The following NRXN1 variants were observed in gnomAD, a reference collection of about 807,000 sequenced individuals.
NRXN1 encodes neurexin-1.
In NRXN1, 39 loss-of-function variants were observed where a neutral mutation model predicts 150.9. That is an observed-to-expected ratio of 0.26 (90% CI 0.20 to 0.34). The LOEUF (loss-of-function observed/expected upper bound fraction) is 0.34, where lower values mean the gene tolerates loss of function less well. Among genes scored for constraint, NRXN1 ranks in the 10% least tolerant of loss-of-function variants. The pLI, the probability that NRXN1 is intolerant of heterozygous loss-of-function variation, is 1.00. For synonymous variants in NRXN1, 924 were observed against 757.0 expected, an observed-to-expected ratio of 1.22 and a Z score of -3.62; for missense variants, 1,815 against 1,949.9, an observed-to-expected ratio of 0.93 and a Z score of 1.30.
intron 21 of NRXN1, among the ~76,000 whole-genome samples, chr2:50,012,525 G>T (rs547730077): frequency 6.6e-6 from 1 of 152,098 alleles, no homozygotes. Context: ...AGCTTGAATA[G>T]ATATAGCATT....
chr2:50,075,062 G>A (rs1330643897), intron 19 of NRXN1, among the ~76,000 whole-genome samples: 1 of 152,176 alleles, frequency 6.6e-6, no homozygotes, highest in East Asian at 1.9e-4. Flanking sequence ...GAACACTGTA[G>A]TCAGGAAAAT....
At chr2:50,507,993 GA>G (rs942287322) in intron 12 of NRXN1, among the ~76,000 whole-genome samples, 1 of 134,222 alleles carries the variant, frequency 7.5e-6, no homozygotes, top group African/African-American at 2.7e-5. Context: ...AGGAGAAGAA[GA>G]AAAAAAAAGA....
intron 5 of NRXN1, among the ~76,000 whole-genome samples, chr2:50,667,832 T>C (rs1574033950): frequency 6.6e-6 from 1 of 152,026 alleles, no homozygotes; most frequent in Non-Finnish European, 1.5e-5. Context: ...CCCAGAGTTT[T>C]GGAGCCATAG....
chr2:50,788,210 C>T (rs563062134), intron 5 of NRXN1, among the ~76,000 whole-genome samples: 1 of 151,990 alleles, frequency 6.6e-6, no homozygotes, highest in African/African-American at 2.4e-5. Flanking sequence ...CTTCTGCCTC[C>T]TGAGCAGCTG....
At chr2:49,928,657 A>AT (rs992996930) in intron 22 of NRXN1, among the ~76,000 whole-genome samples, 9 of 152,012 alleles carry the variant, frequency 5.9e-5, no homozygotes, top group African/African-American at 1.4e-4. Context: ...ACTTTTTCCC[A>AT]TTTTTTTGCT....
intron 5 of NRXN1, among the ~76,000 whole-genome samples, chr2:50,827,045 T>C (rs1336796440): frequency 6.6e-6 from 1 of 152,120 alleles, no homozygotes; most frequent in Admixed American, 6.5e-5. Context: ...AGAAAGTGTT[T>C]GAAGAAGAAA....
intron 5 of NRXN1, among the ~76,000 whole-genome samples, chr2:50,865,657 A>ATTTTTTTTTTTTT (rs1559368492): frequency 2.5e-5 from 1 of 39,904 alleles, no homozygotes; most frequent in African/African-American, 5.8e-5. Context: ...AGCATTTGAA[A>ATTTTTTTTTTTTT]GTTTTTTTTT....
chr2:50,643,134 G>C (rs1684302995), intron 5 of NRXN1, among the ~76,000 whole-genome samples: 1 of 151,800 alleles, frequency 6.6e-6, no homozygotes, highest in African/African-American at 2.4e-5. Flanking sequence ...AACTACAAAT[G>C]CATACAGGGC....
intron 8 of NRXN1, among the ~76,000 whole-genome samples, chr2:50,577,738 A>G (rs1203037599): frequency 6.6e-6 from 1 of 151,910 alleles, no homozygotes; most frequent in Non-Finnish European, 1.5e-5. Context: ...ACACACACAC[A>G]CACTAAATGG....
chr2:50,491,804 C>A (rs905993765), intron 15 of NRXN1, among the ~76,000 whole-genome samples: 2 of 152,098 alleles, frequency 1.3e-5, no homozygotes, highest in Non-Finnish European at 2.9e-5. Context: ...TATATATATC[C>A]TCAATTTGCT....
intron 19 of NRXN1, among the ~76,000 whole-genome samples, chr2:50,068,873 C>G (rs2152662357): frequency 6.6e-6 from 1 of 152,170 alleles, no homozygotes; most frequent in Non-Finnish European, 1.5e-5. Flanking sequence ...AAAGAGTGAG[C>G]CTTATTATGA....
intron 15 of NRXN1, among the ~76,000 whole-genome samples, chr2:50,484,451 C>T (rs1197576630): frequency 2.0e-5 from 3 of 152,088 alleles, no homozygotes; most frequent in Non-Finnish European, 4.4e-5. Context: ...GGGATCCCTC[C>T]TCCAGGTCAG....
At chr2:50,600,644 C>T (rs1676114896) in intron 8 of NRXN1, among the ~76,000 whole-genome samples, 1 of 151,968 alleles carries the variant, frequency 6.6e-6, no homozygotes, top group African/African-American at 2.4e-5. Flanking sequence ...TTTTTGGGGG[C>T]AAGGAATAGT....
chr2:50,368,230 T>A (rs548200283), intron 17 of NRXN1, among the ~76,000 whole-genome samples: 10 of 151,966 alleles, frequency 6.6e-5, no homozygotes, highest in Non-Finnish European at 5.9e-5. Flanking sequence ...GTTTAAATTA[T>A]GGTAGAGCTC....
chr2:50,435,458 A>T (rs956444206), intron 17 of NRXN1, among the ~76,000 whole-genome samples: 3 of 152,212 alleles, frequency 2.0e-5, no homozygotes, highest in African/African-American at 4.8e-5. Context: ...ATAAGATTTT[A>T]AAAATGTAAA....
intron 5 of NRXN1, among the ~76,000 whole-genome samples, chr2:50,749,240 G>A (rs975831577): frequency 6.6e-6 from 1 of 152,044 alleles, no homozygotes; most frequent in Non-Finnish European, 1.5e-5. Context: ...GTCTAAAGAT[G>A]CAGCAAGCTG....
At position 49,921,863 on chromosome 2, in the gene NRXN1, A is replaced by G; in HGVS notation, c.*81T>C. The G allele has an allele frequency of 7.0e-7, 1 of 1,421,168 alleles. No homozygotes were observed. The highest frequency in any genetic ancestry group is 2.3e-5 in the East Asian group (1 of 43,480). The allele number at this position is 1,421,168 out of a possible 1,614,324, so 88.0% of individuals were successfully genotyped here. ...TCTTCTTTTGTATGTGCTTCATAAA[A>G]AGGAAAGTAAATAAGTTTATATTAT... On this transcript the variant is annotated 3_prime_UTR_variant, in exon 23 of 23. Coordinates refer to ENST00000401669, the MANE Select transcript of NRXN1 (RefSeq NM_001330078.2).
At chr2:50,586,117 T>C (rs1180303813) in intron 8 of NRXN1, among the ~76,000 whole-genome samples, 5 of 152,214 alleles carry the variant, frequency 3.3e-5, no homozygotes, top group African/African-American at 1.2e-4. Context: ...CCATCTACAT[T>C]AGCCTTTTTC....
At chr2:50,983,411 A>G (rs1697159541) in intron 2 of NRXN1, among the ~76,000 whole-genome samples, 1 of 152,134 alleles carries the variant, frequency 6.6e-6, no homozygotes, top group African/African-American at 2.4e-5. Flanking sequence ...GGACACCAGA[A>G]TCAATATTTT....
Sources: gnomAD v4.1 joint callset for allele counts (sites outside exome capture counted in the v4.1 genomes callset) on GRCh38, gnomAD v4.1.1 for gene constraint, MANE v1.5 for transcripts, NCBI Gene and HGNC (gene_info 2026-07-23, HGNC 2026-07-21) for gene names.